The following GNB1 variants were observed in gnomAD, a reference collection of about 807,000 sequenced individuals.
The protein encoded by GNB1 is guanine nucleotide-binding protein G(I)/G(S)/G(T) subunit beta-1.
In GNB1, 2 loss-of-function variants were observed where a neutral mutation model predicts 42.9. The observed-to-expected ratio is 0.05, with a 90% CI of 0.02 to 0.15. The LOEUF (loss-of-function observed/expected upper bound fraction) is 0.15, where lower values mean the gene tolerates loss of function less well. Ranked by LOEUF, GNB1 falls within the 10% of genes least tolerant of loss-of-function variation. The pLI is 1.00. For missense variants in GNB1, 193 were observed against 462.2 expected (o/e 0.42, Z 5.34); for synonymous variants, 183 against 174.7 (o/e 1.05, Z -0.38).
Position 1,787,510 on chromosome 1 carries a change from G to A in GNB1, c.917-73C>T, listed in dbSNP as rs891803186. The A allele has an allele frequency of 1.9e-5, 17 of 879,578 alleles. No homozygotes were observed. Among genetic ancestry groups the A allele is most frequent in the Non-Finnish European group, 3.0e-5 (16 of 536,654 alleles). The allele number at this position is 879,578 out of a possible 1,614,324, so 54.5% of individuals were successfully genotyped here. ...TCTCACCTGTGTGCCATGTTGTGAC[G>A]AGGACGGATGGTGCATCTCTCATGG... On this transcript the variant is annotated intron_variant, in intron 10 of 11. Transcript: ENST00000378609. The surrounding 1 kb of genome is among the most constrained non-coding windows in gnomAD (Gnocchi z 4.4).
chr1:1,809,226 C>T (rs1318602224), intron 5 of GNB1, among the ~76,000 whole-genome samples: 2 of 135,118 alleles, frequency 1.5e-5, no homozygotes, highest in African/African-American at 5.4e-5. Context: ...GAGAGTCTCA[C>T]TCTGTCACCC....
At position 1,885,523 on chromosome 1, in the gene GNB1, CATAA is replaced by C. The variant is rs1286112047; in HGVS notation, c.-96+5293_-96+5296del. On this transcript the variant is annotated intron_variant, in intron 1 of 11. Coordinates refer to ENST00000378609, the MANE Select transcript of GNB1 (RefSeq NM_002074.5). ...TTCTCAGAATTCTAATTTAAGAAGA[CATAA>C]ATAAGGAAATACTTCCACTTAATCT... 2.7e-5 allele frequency among the ~76,000 whole-genome samples: 4 copies of C among 145,872 alleles called. 1 individual carries two copies. Among genetic ancestry groups the C allele is most frequent in the Admixed American group, 2.1e-4 (3 of 14,536 alleles).
Position 1,815,845 on chromosome 1 carries a change from G to A in GNB1, c.114C>T (p.Asp38=). 1.2e-6 allele frequency: 2 copies of A among 1,600,462 alleles called. No homozygotes were observed. The highest frequency in any genetic ancestry group is 1.7e-6 in the Non-Finnish European group (2 of 1,167,532). ...TGCGCATTTGGATTCTTCCCACTGGGTCGATGTTGTTTGTGATCTTGAAAA... is the reference window on the plus strand; with the variant it reads ...TGCGCATTTGGATTCTTCCCACTGGATCGATGTTGTTTGTGATCTTGAAAA... ...ATLSQITNNI[D]PVGRIQMRTR... is the part of the protein sequence containing the mutation. The change falls in exon 5 of 12, where the codon GAC becomes GAT. Residue 38 remains aspartate (D), a synonymous_variant. Transcript: ENST00000378609.
chr1:1,811,961 G>A (rs1012118544), intron 5 of GNB1, among the ~76,000 whole-genome samples: 3 of 151,784 alleles, frequency 2.0e-5, no homozygotes, highest in Non-Finnish European at 4.4e-5. Context: ...AGCTACTCGG[G>A]AGGCTGAGGC....
chr1:1,805,798 T>A (rs1450817867), intron 6 of GNB1, among the ~76,000 whole-genome samples: 3 of 152,080 alleles, frequency 2.0e-5, no homozygotes, highest in African/African-American at 7.2e-5. Flanking sequence ...TGCTTCAGCC[T>A]CCCAAAATGC....
intron 3 of GNB1, among the ~76,000 whole-genome samples, chr1:1,823,463 C>A (rs921556332): frequency 1.3e-5 from 2 of 151,852 alleles, no homozygotes; most frequent in Admixed American, 6.6e-5. Flanking sequence ...AATTTGAATA[C>A]CTTTTGGTTT....
chr1:1,800,933 G>T (rs1159911020), intron 7 of GNB1, among the ~76,000 whole-genome samples: 2 of 152,252 alleles, frequency 1.3e-5, no homozygotes, highest in Non-Finnish European at 2.9e-5. Context: ...TCCGGGTAGG[G>T]CTCCCGGCCG....
chr1:1,881,428 C>T (rs6680613), intron 1 of GNB1, among the ~76,000 whole-genome samples: 37,240 of 149,124 alleles, frequency 0.25, 4,781 homozygotes, highest in African/African-American at 0.28. Context: ...TCATTTTTTT[C>T]TTTTTTTTTG....
chr1:1,805,229 C>A (rs1281968476), intron 6 of GNB1, among the ~76,000 whole-genome samples: 1 of 151,946 alleles, frequency 6.6e-6, no homozygotes, highest in Non-Finnish European at 1.5e-5. Context: ...GAGGCTAAGG[C>A]GGGTGGATCA....
At chr1:1,822,243 T>A (rs1054239028) in intron 3 of GNB1, among the ~76,000 whole-genome samples, 6 of 151,972 alleles carry the variant, frequency 3.9e-5, no homozygotes, top group Admixed American at 2.0e-4. Flanking sequence ...TGCCTTGGTA[T>A]CCCAAAGTAC....
intron 1 of GNB1, among the ~76,000 whole-genome samples, chr1:1,852,130 C>A (rs1400492050): frequency 6.7e-6 from 1 of 149,416 alleles, no homozygotes; most frequent in East Asian, 1.9e-4. Flanking sequence ...AGATGCCAAA[C>A]GTTAGGAGCC....
At chr1:1,838,788 T>G (rs963614961) in intron 2 of GNB1, among the ~76,000 whole-genome samples, 1 of 152,112 alleles carries the variant, frequency 6.6e-6, no homozygotes, top group Admixed American at 6.6e-5. Context: ...AAAAGGGCTC[T>G]CCTGCTTTCT....
chr1:1,817,681 G>A, intron 4 of GNB1, 156 bp downstream of exon 4: 1 of 560,110 alleles, frequency 1.8e-6, no homozygotes, highest in Admixed American at 2.9e-5. Context: ...TATTTCCTAT[G>A]CCTACCATCA....
chr1:1,832,258 G>A (rs1439161180), intron 2 of GNB1: 2 of 151,686 alleles, frequency 1.3e-5, no homozygotes, highest in African/African-American at 4.8e-5. Flanking sequence ...TTTTCTCTTC[G>A]CTTCCCTCAG....
intron 1 of GNB1, among the ~76,000 whole-genome samples, chr1:1,850,663 TCTCA>T (rs371550468): frequency 6.6e-5 from 10 of 152,248 alleles, no homozygotes; most frequent in African/African-American, 2.4e-4. Context: ...TGTATACCTT[TCTCA>T]CTCAATCTTT....
intron 1 of GNB1, among the ~76,000 whole-genome samples, chr1:1,845,632 T>G (rs1042480466): frequency 6.6e-6 from 1 of 151,946 alleles, no homozygotes; most frequent in Non-Finnish European, 1.5e-5. Flanking sequence ...AATATTAATA[T>G]GGATATGTAT....
chr1:1,789,315 G>C, intron 9 of GNB1, 46 bp from the exon 10 acceptor site: 2 of 1,062,018 alleles, frequency 1.9e-6, no homozygotes, highest in Middle Eastern at 2.0e-4. Flanking sequence ...CGCTCAGAAA[G>C]AAACATTGGG....
intron 5 of GNB1, among the ~76,000 whole-genome samples, chr1:1,809,138 A>C (rs986330676): frequency 6.6e-6 from 1 of 151,798 alleles, no homozygotes; most frequent in Non-Finnish European, 1.5e-5. Flanking sequence ...AAAATTTATC[A>C]CAGAACTAAA....
intron 8 of GNB1, among the ~76,000 whole-genome samples, chr1:1,791,688 G>A (rs1038639565): frequency 1.3e-5 from 2 of 152,144 alleles, no homozygotes; most frequent in African/African-American, 4.8e-5. Flanking sequence ...AGCCTGGCTG[G>A]GCCTGGCAAT....
Sources: allele counts gnomAD v4.1 joint callset (sites outside exome capture counted in the v4.1 genomes callset), GRCh38; gene constraint gnomAD v4.1.1; non-coding constraint Gnocchi (gnomAD v3.1); transcripts MANE v1.5; gene names NCBI Gene and HGNC (gene_info 2026-07-23, HGNC 2026-07-21).